Variants in C7orf33 observed in about 807,000 individuals in gnomAD.
C7orf33 encodes chromosome 7 open reading frame 33.
In C7orf33, 15 loss-of-function variants were observed where a neutral mutation model predicts 13.4. The observed-to-expected ratio is 1.12, with a 90% CI of 0.75 to 1.72. C7orf33 has a LOEUF of 1.72. Among genes scored for constraint, C7orf33 ranks in the 40% most tolerant of loss-of-function variants. The pLI, the probability that C7orf33 is intolerant of heterozygous loss-of-function variation, is 0.00. For missense variants in C7orf33, 187 were observed against 220.3 expected (o/e 0.85, Z 0.96); for synonymous variants, 73 against 83.2 (o/e 0.88, Z 0.67).
intron 1 of C7orf33, among the ~76,000 whole-genome samples, chr7:148,596,872 T>C (rs1796345669): frequency 6.6e-6 from 1 of 152,214 alleles, no homozygotes; most frequent in African/African-American, 2.4e-5. Context: ...CTCCATAGTT[T>C]TGTCCTTTCC....
chr7:148,593,222 G>A (rs930878404), intron 1 of C7orf33, among the ~76,000 whole-genome samples: 5 of 152,118 alleles, frequency 3.3e-5, no homozygotes, highest in South Asian at 2.1e-4. Context: ...TATGAGTTAC[G>A]TATTATTTTT....
At chr7:148,594,292 C>T (rs1212363917) in intron 1 of C7orf33, among the ~76,000 whole-genome samples, 1 of 151,568 alleles carries the variant, frequency 6.6e-6, no homozygotes, top group African/African-American at 2.4e-5. Context: ...TCTCCTGCCT[C>T]AGCCTCTCGA....
chr7:148,590,982 C>A lies in C7orf33; in HGVS notation c.57C>A (p.Gly19=). 6.2e-7 allele frequency: 1 copy of A among 1,614,170 alleles called. No individual in the cohort carries two copies. The highest frequency in any genetic ancestry group is 1.1e-5 in the South Asian group (1 of 91,074). ...SLEECPWRLP[G]PQCECEALLP... is the part of the protein sequence containing the mutation. ...AAGAGTGTCCCTGGAGACTTCCAGG[C>A]CCCCAATGTGAATGTGAAGCCCTCC... Residue 19 remains glycine, a synonymous_variant, in exon 1 of 3, where the codon GGC becomes GGA. Transcript: ENST00000307003.
Position 148,604,691 on chromosome 7 carries a change from C to T in C7orf33, c.205-9351C>T, listed in dbSNP as rs184111890. The stretch of plus-strand genomic sequence containing the variant: ...TTCATGTAACCAAACACTGCCTGTT[C>T]CCCAAAAACCTATTGAAATTTTAAA... On this transcript the variant is annotated intron_variant, in intron 1 of 2. Coordinates refer to ENST00000307003, the MANE Select transcript of C7orf33 (RefSeq NM_145304.4). 4.3e-4 allele frequency among the ~76,000 whole-genome samples: 65 copies of T among 152,230 alleles called. No individual in the cohort carries two copies. In the East Asian group the frequency reaches 0.012, roughly 28 times the overall value.
At position 148,591,146 on chromosome 7, in the gene C7orf33, A is replaced by G; in HGVS notation, c.204+17A>G. ...AGACATAAGGTAAGTTAATGATTCT[A>G]AGATGAATCAACTGCTCTTTGAGTC... On this transcript the variant is annotated intron_variant, in intron 1 of 2. Coordinates refer to ENST00000307003, the MANE Select transcript of C7orf33 (RefSeq NM_145304.4). The G allele has an allele frequency of 1.3e-6, 2 of 1,580,162 alleles. No homozygotes were observed. The highest frequency in any genetic ancestry group is 1.7e-6 in the Non-Finnish European group (2 of 1,149,710).
intron 1 of C7orf33, among the ~76,000 whole-genome samples, chr7:148,608,697 C>G (rs1450233903): frequency 1.3e-5 from 2 of 151,840 alleles, no homozygotes; most frequent in South Asian, 4.2e-4. Flanking sequence ...TGCCTGTAGT[C>G]CCAGCTACTC....
At chr7:148,591,197 CA>C in intron 1 of C7orf33, 68 bp downstream of exon 1, 2 of 1,293,536 alleles carry the variant, frequency 1.5e-6, no homozygotes, top group Admixed American at 1.8e-5. Flanking sequence ...AGAATTCATT[CA>C]CTCAATCCAT....
chr7:148,595,775 AG>A (rs1194948405), intron 1 of C7orf33, among the ~76,000 whole-genome samples: 1 of 145,612 alleles, frequency 6.9e-6, no homozygotes, highest in African/African-American at 2.5e-5. Context: ...CTATATCTCA[AG>A]CAGGCCACTG....
chr7:148,602,989 A>T (rs1796433387), intron 1 of C7orf33, among the ~76,000 whole-genome samples: 1 of 152,224 alleles, frequency 6.6e-6, no homozygotes, highest in Non-Finnish European at 1.5e-5. Flanking sequence ...AGGCATAAAG[A>T]TCAACAAGAA....
intron 1 of C7orf33, among the ~76,000 whole-genome samples, chr7:148,592,689 A>G (rs977714490): frequency 6.6e-6 from 1 of 151,726 alleles, no homozygotes. Flanking sequence ...TAATTTTTGT[A>G]TTTTTAGTAG....
At chr7:148,605,174 A>G (rs1796460020) in intron 1 of C7orf33, among the ~76,000 whole-genome samples, 1 of 152,250 alleles carries the variant, frequency 6.6e-6, no homozygotes. Flanking sequence ...ATGTAAAACA[A>G]TTTATTTAGC....
chr7:148,604,894 G>A (rs1390932535), intron 1 of C7orf33, among the ~76,000 whole-genome samples: 3 of 152,056 alleles, frequency 2.0e-5, no homozygotes, highest in Non-Finnish European at 4.4e-5. Context: ...AATTAAACTA[G>A]CAGCAATGTA....
At chr7:148,604,396 G>A (rs1198286821) in intron 1 of C7orf33, among the ~76,000 whole-genome samples, 1 of 152,136 alleles carries the variant, frequency 6.6e-6, no homozygotes, top group Non-Finnish European at 1.5e-5. Flanking sequence ...CACAGTGCTG[G>A]GATTACAGGC....
chr7:148,615,489 T>C lies in C7orf33; in HGVS notation c.*88T>C, dbSNP rs1796593256. On this transcript the variant is annotated 3_prime_UTR_variant, in exon 3 of 3. Coordinates refer to ENST00000307003, the MANE Select transcript of C7orf33 (RefSeq NM_145304.4). ...CAAGAAAAAAGAGAAATAGCTGAAGTTCTGGAAATAACAGTTGATGAAAAC... is the reference window on the plus strand; with the variant it reads ...CAAGAAAAAAGAGAAATAGCTGAAGCTCTGGAAATAACAGTTGATGAAAAC... 2.3e-6 allele frequency: 2 copies of C among 859,288 alleles called. No homozygotes were observed. The highest frequency in any genetic ancestry group is 3.9e-6 in the Non-Finnish European group (2 of 515,104). The allele number at this position is 859,288 out of a possible 1,614,324, so 53.2% of individuals were successfully genotyped here.
At chr7:148,593,115 C>T (rs1796287812) in intron 1 of C7orf33, among the ~76,000 whole-genome samples, 1 of 152,178 alleles carries the variant, frequency 6.6e-6, no homozygotes, top group Admixed American at 6.5e-5. Flanking sequence ...CCTGGGATTA[C>T]AGGCATGAGC....
At chr7:148,597,712 A>C (rs1184053321) in intron 1 of C7orf33, among the ~76,000 whole-genome samples, 1 of 150,988 alleles carries the variant, frequency 6.6e-6, no homozygotes, top group Admixed American at 6.6e-5. Flanking sequence ...TTCATTGTGG[A>C]TCATTCCCTT....
At position 148,615,458 on chromosome 7, in the gene C7orf33, T is replaced by G; in HGVS notation, c.*57T>G. 1.0e-5 allele frequency: 11 copies of G among 1,089,436 alleles called. No homozygotes were observed. The highest frequency in any genetic ancestry group is 1.4e-5 in the Non-Finnish European group (10 of 712,012). 67.5% of individuals were successfully genotyped at this position (1,089,436 alleles called of 1,614,324 possible). ...AAATTTGTGTAGATTGTGAAATCTC[T>G]TCTTGCAAGAAAAAAGAGAAATAGC... On this transcript the variant is annotated 3_prime_UTR_variant, in exon 3 of 3. Transcript: ENST00000307003.
intron 1 of C7orf33, among the ~76,000 whole-genome samples, chr7:148,609,218 A>G (rs1282443949): frequency 3.3e-5 from 5 of 152,196 alleles, no homozygotes; most frequent in Admixed American, 3.3e-4. Flanking sequence ...AGCTACTAGT[A>G]AAATGAGATA....
rs112000703 is a variant in C7orf33 at position 148,606,933 on chromosome 7, TACACACACAC to T, written c.205-7088_205-7079del. ...GAATAGACCCCATTTAAAAAAAAAA[TACACACACAC>T]ACACACACACACACACACACGAGAA... On this transcript the variant is annotated intron_variant, in intron 1 of 2. Transcript: ENST00000307003. Among the ~76,000 whole-genome samples, 3 of 139,294 alleles carry T rather than the reference TACACACACAC, an allele frequency of 2.2e-5. No individual in the cohort carries two copies. In the South Asian group the frequency reaches 7.2e-4, roughly 33 times the overall value. 91.4% of individuals were successfully genotyped at this position (139,294 alleles called of 152,430 possible). A position where few individuals can be genotyped will look rare whatever the true frequency, so the allele number is the denominator to read the frequency against.
Sources: allele counts gnomAD v4.1 joint callset (sites outside exome capture counted in the v4.1 genomes callset), GRCh38; gene constraint gnomAD v4.1.1; transcripts MANE v1.5; gene names NCBI Gene and HGNC (gene_info 2026-07-23, HGNC 2026-07-21).